The following DLG2 variants were observed in gnomAD, a reference collection of about 807,000 sequenced individuals.
DLG2 encodes the protein discs large MAGUK scaffold protein 2.
In DLG2, 45 loss-of-function variants were observed where a neutral mutation model predicts 132.5. The observed-to-expected ratio is 0.34, with a 90% CI of 0.27 to 0.44. DLG2 has a LOEUF of 0.44. Among genes scored for constraint, DLG2 ranks in the 20% least tolerant of loss-of-function variants. The pLI is 1.00. For synonymous variants in DLG2, 424 were observed against 419.6 expected, an observed-to-expected ratio of 1.01 and a Z score of -0.13; for missense variants, 1,045 against 1,196.9, an observed-to-expected ratio of 0.87 and a Z score of 1.87.
Position 84,327,612 on chromosome 11 carries a change from A to T in DLG2, c.520-76321T>A, listed in dbSNP as rs550076973. 9.9e-5 allele frequency among the ~76,000 whole-genome samples: 15 copies of T among 152,212 alleles called. No individual in the cohort carries two copies. In the South Asian group the frequency reaches 2.9e-3, roughly 29 times the overall value. On this transcript the variant is annotated intron_variant, in intron 7 of 27. Transcript: ENST00000376104. ...CTATAGCTATAGTTTTGTGGTTACC[A>T]TGAAGCTTACATAAGACATCTTGCA...
At chr11:85,132,761 A>G (rs1040977880) in intron 5 of DLG2, 10 of 456,584 alleles carry the variant, frequency 2.2e-5, no homozygotes, top group Non-Finnish European at 4.0e-5. Flanking sequence ...CCTGTTTCCT[A>G]TCCTACCTTT....
chr11:84,950,059 C>T (rs562767438), intron 6 of DLG2, among the ~76,000 whole-genome samples: 109 of 152,328 alleles, frequency 7.2e-4, no homozygotes, highest in African/African-American at 2.3e-3. Flanking sequence ...CCGGACCCTC[C>T]GTTTGGGGTC....
At chr11:83,789,053 G>A (rs1204452590) in intron 17 of DLG2, among the ~76,000 whole-genome samples, 1 of 152,098 alleles carries the variant, frequency 6.6e-6, no homozygotes, top group Non-Finnish European at 1.5e-5. Flanking sequence ...CAGATGAAAC[G>A]AAGGCAACAG....
intron 12 of DLG2, among the ~76,000 whole-genome samples, chr11:83,976,104 G>A (rs1471592855): frequency 6.6e-6 from 1 of 151,766 alleles, no homozygotes; most frequent in Non-Finnish European, 1.5e-5. Flanking sequence ...TGATTCAGGT[G>A]GTGCCCAACA....
chr11:85,021,664 G>T (rs1196126816), intron 6 of DLG2: 4 of 1,137,270 alleles, frequency 3.5e-6, no homozygotes, highest in Non-Finnish European at 5.3e-6. Context: ...TGTGTTTGAT[G>T]ATAAGGTTTC....
intron 18 of DLG2, among the ~76,000 whole-genome samples, chr11:83,765,701 G>A (rs1352103654): frequency 3.3e-5 from 5 of 152,204 alleles, no homozygotes; most frequent in Non-Finnish European, 7.3e-5. Flanking sequence ...TTCAGCCTAT[G>A]AGAGTGAGAG....
At chr11:85,270,802 C>T (rs117801934) in intron 4 of DLG2, among the ~76,000 whole-genome samples, 8,448 of 152,230 alleles carry the variant, frequency 0.055, 518 homozygotes, top group East Asian at 0.28. Flanking sequence ...GAACTTAAGA[C>T]AGATGATTTA....
At chr11:84,752,782 T>C (rs1287759555) in intron 6 of DLG2, among the ~76,000 whole-genome samples, 5 of 134,468 alleles carry the variant, frequency 3.7e-5, no homozygotes, top group South Asian at 4.8e-4. Flanking sequence ...TGTGATCTCA[T>C]TGTTCAATTC....
intron 6 of DLG2, among the ~76,000 whole-genome samples, chr11:84,961,793 A>G (rs942191873): frequency 1.3e-5 from 2 of 152,192 alleles, no homozygotes; most frequent in Non-Finnish European, 2.9e-5. Flanking sequence ...ATGAATGCAT[A>G]AGTATAATGA....
intron 3 of DLG2, among the ~76,000 whole-genome samples, chr11:85,576,976 A>C (rs1034150634): frequency 6.6e-6 from 1 of 152,086 alleles, no homozygotes; most frequent in Non-Finnish European, 1.5e-5. Flanking sequence ...TGAAGCAGAA[A>C]GTTTATTCAA....
chr11:84,261,863 C>T (rs998326104), intron 7 of DLG2, among the ~76,000 whole-genome samples: 10 of 152,106 alleles, frequency 6.6e-5, no homozygotes, highest in African/African-American at 2.4e-4. Context: ...GAATTAGATA[C>T]AATGGGTAGA....
chr11:85,410,085 T>C (rs1032345564), intron 3 of DLG2, among the ~76,000 whole-genome samples: 2 of 151,868 alleles, frequency 1.3e-5, no homozygotes, highest in African/African-American at 4.8e-5. Flanking sequence ...TATGTGCTCA[T>C]GTAAATCACT....
At chr11:84,934,504 G>GTTT (rs113436905) in intron 6 of DLG2, among the ~76,000 whole-genome samples, 387 of 33,826 alleles carry the variant, frequency 0.011, 58 homozygotes, top group African/African-American at 0.018. Context: ...GGTCCTGGGT[G>GTTT]TTTTTTTTTT....
chr11:83,644,751 AT>A (rs1182575299), intron 18 of DLG2, among the ~76,000 whole-genome samples: 2 of 151,872 alleles, frequency 1.3e-5, no homozygotes, highest in Non-Finnish European at 2.9e-5. Flanking sequence ...TATTTCAGTA[AT>A]TTTTTTCTAA....
At chr11:84,579,745 G>C (rs966905770) in intron 6 of DLG2, among the ~76,000 whole-genome samples, 1 of 152,220 alleles carries the variant, frequency 6.6e-6, no homozygotes, top group African/African-American at 2.4e-5. Context: ...AAGTATGCAG[G>C]AAGTAGGTAG....
intron 6 of DLG2, among the ~76,000 whole-genome samples, chr11:84,771,408 C>G (rs897898158): frequency 2.6e-5 from 4 of 152,052 alleles, no homozygotes; most frequent in Non-Finnish European, 5.9e-5. Flanking sequence ...TTTGGCCACA[C>G]GTCTTCTTTT....
chr11:84,896,561 T>G lies in DLG2; in HGVS notation c.357+215100A>C, dbSNP rs186260298. On this transcript the variant is annotated intron_variant, in intron 6 of 27. Coordinates refer to ENST00000376104, the MANE Select transcript of DLG2 (RefSeq NM_001142699.3). ...ACAGAACCTGCCATTTGTTGAGTTC[T>G]CACCATATGCCAGACTGTCATTTTT... Among the ~76,000 whole-genome samples the G allele has an allele frequency of 2.0e-5, 3 of 152,190 alleles. No homozygotes were observed. In the East Asian group the frequency reaches 5.8e-4, roughly 29 times the overall value.
intron 6 of DLG2, among the ~76,000 whole-genome samples, chr11:85,000,726 A>G (rs1039183648): frequency 2.6e-5 from 4 of 152,156 alleles, no homozygotes; most frequent in Non-Finnish European, 4.4e-5. Context: ...GTATTTCATC[A>G]TTAACCATAT....
chr11:83,536,744 G>T (rs3793946), intron 20 of DLG2, among the ~76,000 whole-genome samples: 67,153 of 151,860 alleles, frequency 0.44, 15,040 homozygotes, highest in Middle Eastern at 0.56. Flanking sequence ...TGTTGAATGA[G>T]TAAATAAATA....
Sources: gnomAD v4.1 joint callset for allele counts (sites outside exome capture counted in the v4.1 genomes callset) on GRCh38, gnomAD v4.1.1 for gene constraint, MANE v1.5 for transcripts, NCBI Gene and HGNC (gene_info 2026-07-23, HGNC 2026-07-21) for gene names.